GRID2: variants seen among roughly 807,000 people sequenced by gnomAD.
GRID2 encodes the protein glutamate receptor ionotropic, delta-2.
Under a neutral mutation model 114.8 loss-of-function variants are expected in GRID2, and 33 were observed. That is an observed-to-expected ratio of 0.29 (90% CI 0.22 to 0.38). The LOEUF is 0.38. Ranked by LOEUF, GRID2 falls within the 10% of genes least tolerant of loss-of-function variation. GRID2 has a pLI of 1.00. For missense variants in GRID2, 1,184 were observed against 1,257.7 expected (o/e 0.94, Z 0.89); for synonymous variants, 505 against 449.9 (o/e 1.12, Z -1.55).
chr4:93,203,809 A>G (rs1409673137), intron 4 of GRID2: 2 of 152,026 alleles, frequency 1.3e-5, no homozygotes, highest in Non-Finnish European at 2.9e-5. Flanking sequence ...GTGGCTTCCA[A>G]GGTCTCTAGG....
At chr4:93,486,940 G>T (rs1315285605) in intron 11 of GRID2, among the ~76,000 whole-genome samples, 2 of 151,638 alleles carry the variant, frequency 1.3e-5, no homozygotes, top group Non-Finnish European at 3.0e-5. Flanking sequence ...GGTAGATTTT[G>T]TTAGTAAGAC....
At chr4:93,480,794 C>T (rs1725779769) in intron 11 of GRID2, among the ~76,000 whole-genome samples, 1 of 151,894 alleles carries the variant, frequency 6.6e-6, no homozygotes, top group African/African-American at 2.4e-5. Flanking sequence ...TGTGTTCTGC[C>T]CCCTTCCATG....
chr4:93,094,121 G>A (rs1731006425), intron 3 of GRID2, among the ~76,000 whole-genome samples: 1 of 151,952 alleles, frequency 6.6e-6, no homozygotes, highest in Non-Finnish European at 1.5e-5. Context: ...GATTGTGTTT[G>A]TGTTAAAACC....
chr4:93,653,233 G>C (rs1722742692), intron 14 of GRID2, among the ~76,000 whole-genome samples: 2 of 152,122 alleles, frequency 1.3e-5, no homozygotes, highest in South Asian at 4.1e-4. Context: ...AAAGTTGTTA[G>C]AACAATCTCT....
chr4:93,666,907 A>C (rs1723997333), intron 14 of GRID2, among the ~76,000 whole-genome samples: 1 of 152,104 alleles, frequency 6.6e-6, no homozygotes, highest in African/African-American at 2.4e-5. Flanking sequence ...TTCTTTTTAA[A>C]TATTACAACA....
chr4:92,755,530 G>A (rs908680176), intron 2 of GRID2, among the ~76,000 whole-genome samples: 3 of 152,100 alleles, frequency 2.0e-5, no homozygotes, highest in Admixed American at 6.6e-5. Flanking sequence ...AATTAGGAAC[G>A]CAAAGTGAGT....
chr4:93,281,480 G>A (rs901265366), intron 8 of GRID2, among the ~76,000 whole-genome samples: 4 of 151,914 alleles, frequency 2.6e-5, no homozygotes, highest in South Asian at 2.1e-4. Context: ...GCATTGGAGA[G>A]TTTAACTTGT....
chr4:92,792,961 T>G (rs187671356), intron 2 of GRID2, among the ~76,000 whole-genome samples: 6 of 151,208 alleles, frequency 4.0e-5, no homozygotes. Context: ...TGTTGGTAAA[T>G]CTAGTATCTT....
chr4:93,041,425 T>A lies in GRID2; in HGVS notation c.245-43570T>A, dbSNP rs183442012. On this transcript the variant is annotated intron_variant, in intron 2 of 15. Transcript: ENST00000282020. ...TTGTTAATACCATTACTTAGGTTAG[T>A]GTCAACTGTCACTGGTTTCAAGGAG... Among the ~76,000 whole-genome samples the A allele has an allele frequency of 3.9e-3, 594 of 152,316 alleles. 3 individuals carry two copies. The highest frequency in any genetic ancestry group is 5.9e-3 in the Non-Finnish European group (401 of 68,032).
chr4:92,675,551 A>ATTTTTTT (rs576488084), intron 2 of GRID2, among the ~76,000 whole-genome samples: 3 of 133,012 alleles, frequency 2.3e-5, no homozygotes, highest in Non-Finnish European at 3.2e-5. Flanking sequence ...TTGGGCTACA[A>ATTTTTTT]TTTTTTTTTT....
At chr4:92,808,937 G>T (rs371343252) in intron 2 of GRID2, among the ~76,000 whole-genome samples, 1 of 151,798 alleles carries the variant, frequency 6.6e-6, no homozygotes, top group East Asian at 1.9e-4. Flanking sequence ...TCCTAGATGA[G>T]AGCATTTTGG....
At chr4:93,793,044 CTG>C (rs1011550975) in intron 1 of GRID2, among the ~76,000 whole-genome samples, 1 of 152,176 alleles carries the variant, frequency 6.6e-6, no homozygotes, top group Non-Finnish European at 1.5e-5. Flanking sequence ...TCAATGGAAA[CTG>C]TATTGTTTTC....
chr4:93,795,657 TGAGCAA>T (rs1734781742), intron 1 of GRID2, among the ~76,000 whole-genome samples: 1 of 152,212 alleles, frequency 6.6e-6, no homozygotes, highest in African/African-American at 2.4e-5. Flanking sequence ...TGTAAACAGG[TGAGCAA>T]GTATAGGATT....
intron 3 of GRID2, among the ~76,000 whole-genome samples, chr4:93,091,137 A>T (rs1481608372): frequency 6.6e-6 from 1 of 152,140 alleles, no homozygotes; most frequent in African/African-American, 2.4e-5. Flanking sequence ...AAGCAATATA[A>T]CCTAAATAAC....
chr4:93,664,307 AG>A (rs1289759717), intron 14 of GRID2, among the ~76,000 whole-genome samples: 3 of 152,238 alleles, frequency 2.0e-5, no homozygotes, highest in African/African-American at 7.2e-5. Context: ...TAGAGTGAGT[AG>A]GAAGGCACTA....
intron 15 of GRID2, among the ~76,000 whole-genome samples, chr4:93,770,918 T>A (rs912598050): frequency 3.3e-5 from 5 of 152,156 alleles, no homozygotes; most frequent in African/African-American, 9.7e-5. Context: ...ATTGCATTAA[T>A]GGATATTTTT....
chr4:92,919,803 TG>T (rs1159637558), intron 2 of GRID2, among the ~76,000 whole-genome samples: 1 of 152,168 alleles, frequency 6.6e-6, no homozygotes, highest in African/African-American at 2.4e-5. Flanking sequence ...AGGTGTGGTG[TG>T]GTGCTGAGAA....
intron 6 of GRID2, among the ~76,000 whole-genome samples, chr4:93,217,983 G>T (rs891721765): frequency 2.6e-5 from 4 of 151,606 alleles, no homozygotes; most frequent in Non-Finnish European, 5.9e-5. Context: ...AGGAAAACTA[G>T]TTCCTCTCTA....
At chr4:92,488,522 A>G (rs936373796) in intron 1 of GRID2, among the ~76,000 whole-genome samples, 1 of 152,148 alleles carries the variant, frequency 6.6e-6, no homozygotes, top group Non-Finnish European at 1.5e-5. Context: ...CTAGACTCTC[A>G]TATGAAGCAA....
Sources: allele counts gnomAD v4.1 joint callset (sites outside exome capture counted in the v4.1 genomes callset), GRCh38; gene constraint gnomAD v4.1.1; transcripts MANE v1.5; gene names NCBI Gene and HGNC (gene_info 2026-07-23, HGNC 2026-07-21).